Variants in HNF4G observed in about 807,000 individuals in gnomAD.
HNF4G encodes hepatocyte nuclear factor 4-gamma.
Under a neutral mutation model 50.9 loss-of-function variants are expected in HNF4G, and 21 were observed. The observed-to-expected ratio is 0.41, with a 90% CI of 0.29 to 0.59. The LOEUF (loss-of-function observed/expected upper bound fraction) is 0.59, where lower values mean the gene tolerates loss of function less well. HNF4G is among the 20% of genes least tolerant of loss of function. The pLI, the probability that HNF4G is intolerant of heterozygous loss-of-function variation, is 0.26. For missense variants in HNF4G, 527 were observed against 559.4 expected, an observed-to-expected ratio of 0.94 and a Z score of 0.58; for synonymous variants, 198 against 185.6, an observed-to-expected ratio of 1.07 and a Z score of -0.54.
rs116622686 is a variant in HNF4G, at chr8:75,555,358, C to T, written c.646-624C>T. Among the ~76,000 whole-genome samples, 329 of 152,174 alleles carry T rather than the reference C, an allele frequency of 2.2e-3. 2 individuals carry two copies. The highest frequency in any genetic ancestry group is 7.6e-3 in the African/African-American group (314 of 41,522). On this transcript the variant is annotated intron_variant, in intron 5 of 9. Coordinates refer to ENST00000396423, the MANE Select transcript of HNF4G (RefSeq NM_004133.5). ...TAAATTTGTAATGCTTCCTATACTT[C>T]CTAGTGGTGATGCCCAGCAGGTAAT...
At chr8:75,409,328 G>T (rs183581938) in intron 1 of HNF4G, among the ~76,000 whole-genome samples, 1 of 151,896 alleles carries the variant, frequency 6.6e-6, no homozygotes. Flanking sequence ...AACTCTTTTA[G>T]TAAAGTGTGT....
chr8:75,491,662 G>A (rs1208112020), intron 2 of HNF4G, among the ~76,000 whole-genome samples: 1 of 152,114 alleles, frequency 6.6e-6, no homozygotes, highest in East Asian at 1.9e-4. Flanking sequence ...TTTTAGTAAA[G>A]AAGGAGTTTC....
intron 1 of HNF4G, among the ~76,000 whole-genome samples, chr8:75,425,362 G>A (rs1354704552): frequency 6.6e-6 from 1 of 151,442 alleles, no homozygotes; most frequent in Admixed American, 6.6e-5. Context: ...AAGATTACAG[G>A]TGTGAGCCAC....
At chr8:75,563,879 C>T (rs928314142) in intron 9 of HNF4G, 96 bp from the exon 10 acceptor site, 9 of 1,359,426 alleles carry the variant, frequency 6.6e-6, no homozygotes, top group Middle Eastern at 2.0e-4. Flanking sequence ...AAAACATTTC[C>T]AAATTACGCT....
At chr8:75,552,176 T>C (rs1214851132) in intron 4 of HNF4G, among the ~76,000 whole-genome samples, 2 of 152,188 alleles carry the variant, frequency 1.3e-5, no homozygotes, top group Non-Finnish European at 2.9e-5. Flanking sequence ...AATCAGGTCC[T>C]ATAATGAGTC....
intron 1 of HNF4G, among the ~76,000 whole-genome samples, chr8:75,484,291 T>C (rs1260299299): frequency 6.6e-6 from 1 of 152,200 alleles, no homozygotes; most frequent in Non-Finnish European, 1.5e-5. Context: ...CGAATCATGT[T>C]TTCAGTAAAA....
intron 1 of HNF4G, among the ~76,000 whole-genome samples, chr8:75,474,084 A>G (rs1477486453): frequency 6.6e-6 from 1 of 152,228 alleles, no homozygotes; most frequent in Non-Finnish European, 1.5e-5. Context: ...GAGAAATTAA[A>G]GAAGGCCAGA....
At chr8:75,535,939 T>C (rs60164595), upstream of HNF4G, among the ~76,000 whole-genome samples, 1,319 of 152,060 alleles carry the variant, frequency 8.7e-3, 65 homozygotes, top group East Asian at 0.16. Context: ...GCTTGTTATG[T>C]TGCTCTAAAG....
intron 2 of HNF4G, among the ~76,000 whole-genome samples, chr8:75,532,801 A>G (rs1025157349): frequency 6.6e-6 from 1 of 152,094 alleles, no homozygotes; most frequent in Non-Finnish European, 1.5e-5. Context: ...CAAGAGTCAG[A>G]CAGTATCAGG....
intron 1 of HNF4G, among the ~76,000 whole-genome samples, chr8:75,414,364 A>C (rs1274620329): frequency 1.3e-5 from 2 of 152,144 alleles, no homozygotes; most frequent in African/African-American, 4.8e-5. Context: ...GGAGAAAAAA[A>C]AACCTTGGAT....
intron 1 of HNF4G, among the ~76,000 whole-genome samples, chr8:75,437,748 T>A (rs10099438): frequency 0.064 from 9,735 of 151,870 alleles, 900 homozygotes; most frequent in African/African-American, 0.2. Flanking sequence ...TATAAAAACA[T>A]GGACATAAAA....
chr8:75,524,219 T>A (rs1178332047), intron 2 of HNF4G, among the ~76,000 whole-genome samples: 1 of 152,174 alleles, frequency 6.6e-6, no homozygotes, highest in East Asian at 1.9e-4. Flanking sequence ...AAATGAATGA[T>A]GTAAATATTA....
At chr8:75,462,539 T>C (rs1811879401) in intron 1 of HNF4G, among the ~76,000 whole-genome samples, 1 of 152,196 alleles carries the variant, frequency 6.6e-6, no homozygotes, top group African/African-American at 2.4e-5. Context: ...GAATTTTCAG[T>C]TTAATATTTT....
At chr8:75,504,554 G>A (rs72660033) in intron 2 of HNF4G, among the ~76,000 whole-genome samples, 4,931 of 152,056 alleles carry the variant, frequency 0.032, 167 homozygotes, top group Admixed American at 0.096. Context: ...TGCTGTTAGC[G>A]TTGCACGAGT....
intron 1 of HNF4G, among the ~76,000 whole-genome samples, chr8:75,423,847 AGGAGTCTCGCTCTGTCTCCAGGCT>A (rs1810833295): frequency 1.6e-5 from 1 of 61,762 alleles, no homozygotes; most frequent in South Asian, 4.9e-4. Context: ...TTTTTTGATA[AGGAGTCTCGCTCTGTCTCCAGGCT>A]GGAGTGCAGT....
chr8:75,509,034 A>C (rs1358012549), intron 2 of HNF4G, among the ~76,000 whole-genome samples: 2 of 152,166 alleles, frequency 1.3e-5, no homozygotes, highest in Non-Finnish European at 2.9e-5. Flanking sequence ...AAATTACAGA[A>C]ATGTGTCCGA....
chr8:75,516,206 C>A (rs1585913599), intron 2 of HNF4G, among the ~76,000 whole-genome samples: 1 of 152,356 alleles, frequency 6.6e-6, no homozygotes, highest in Non-Finnish European at 1.5e-5. Flanking sequence ...AATCTTTACA[C>A]ATTTAATATT....
chr8:75,500,065 T>C (rs768492755), intron 2 of HNF4G, among the ~76,000 whole-genome samples: 1 of 152,066 alleles, frequency 6.6e-6, no homozygotes, highest in South Asian at 2.1e-4. Flanking sequence ...CAAAAGACAT[T>C]ATCAAGAAAG....
At chr8:75,563,392 C>A (rs1392426598) in intron 9 of HNF4G, among the ~76,000 whole-genome samples, 1 of 150,258 alleles carries the variant, frequency 6.7e-6, no homozygotes, top group Non-Finnish European at 1.5e-5. Context: ...AAAGGGGATG[C>A]GACAGGCAAG....
Sources: gnomAD v4.1 joint callset for allele counts (sites outside exome capture counted in the v4.1 genomes callset) on GRCh38, gnomAD v4.1.1 for gene constraint, MANE v1.5 for transcripts, NCBI Gene and HGNC (gene_info 2026-07-23, HGNC 2026-07-21) for gene names.